The following MACO1 variants were observed in gnomAD, a reference collection of about 807,000 sequenced individuals.
MACO1 encodes the protein macoilin 1, also known as macoilin.
In MACO1, 14 loss-of-function variants were observed where a neutral mutation model predicts 78.7. That is an observed-to-expected ratio of 0.18 (90% CI 0.12 to 0.28). MACO1 has a LOEUF of 0.28. Ranked by LOEUF, MACO1 falls within the 10% of genes least tolerant of loss-of-function variation. MACO1 has a pLI of 1.00. For missense variants in MACO1, 501 were observed against 799.0 expected (o/e 0.63, Z 4.50); for synonymous variants, 288 against 291.6 (o/e 0.99, Z 0.12).
intron 10 of MACO1, among the ~76,000 whole-genome samples, chr1:25,497,957 A>G (rs553799934): frequency 3.9e-4 from 60 of 152,368 alleles, no homozygotes; most frequent in Non-Finnish European, 7.8e-4. Context: ...AAGAATCAGT[A>G]AACTGTGGCC....
At chr1:25,491,655 C>T in intron 10 of MACO1, 71 bp downstream of exon 10, 2 of 1,368,760 alleles carry the variant, frequency 1.5e-6, no homozygotes, top group South Asian at 2.5e-5. Flanking sequence ...CCAGACCTCT[C>T]CTGAGAGCTC....
Position 25,499,645 on chromosome 1 carries a change from GT to G in MACO1, c.*1182del, listed in dbSNP as rs1474010163. The G allele has an allele frequency of 8.7e-6, 1 of 114,798 alleles. No homozygotes were observed. The highest frequency in any genetic ancestry group is 3.0e-4 in the East Asian group (1 of 3,342). The allele number at this position is 114,798 out of a possible 1,614,324, so 7.1% of individuals were successfully genotyped here. On this transcript the variant is annotated 3_prime_UTR_variant, in exon 11 of 11. Transcript: ENST00000374343. ...GTGTATTATACATGGGTAGAAAAGT[GT>G]TTGCACAGGCAACTTTTGGAAGTGT...
intron 6 of MACO1, among the ~76,000 whole-genome samples, chr1:25,469,858 C>T (rs2043252348): frequency 6.6e-6 from 1 of 152,072 alleles, no homozygotes; most frequent in African/African-American, 2.4e-5. Context: ...GAACTCCTGA[C>T]TTTGTGATCC....
intron 1 of MACO1, among the ~76,000 whole-genome samples, chr1:25,441,315 A>C (rs1228445868): frequency 1.3e-5 from 2 of 151,860 alleles, no homozygotes; most frequent in Non-Finnish European, 2.9e-5. Flanking sequence ...TTCAGCCTCC[A>C]GAGTAGCTGG....
chr1:25,469,339 T>C (rs897881884), intron 6 of MACO1, among the ~76,000 whole-genome samples: 5 of 152,256 alleles, frequency 3.3e-5, no homozygotes, highest in African/African-American at 1.2e-4. Flanking sequence ...CATTCCTTTC[T>C]GGTTTAAGTT....
Position 25,498,395 on chromosome 1 carries a change from T to C in MACO1, c.1924T>C (p.Ser642Pro), listed in dbSNP as rs1440570452. Residue 642 changes from serine (S) to proline (P), a missense_variant, in exon 11 of 11, where the codon TCC (serine) becomes CCC (proline). By Grantham distance (74) the Ser-to-Pro change is moderately conservative. This residue lies in a region of MACO1 where 66 missense variants were observed against 101.6 expected (regional missense o/e 0.65). Transcript: ENST00000374343. ...PLSPVSPHYSSKFVETSPSGL... is the reference protein window; with the variant it reads ...PLSPVSPHYSPKFVETSPSGL... Reference sequence around the variant, plus strand: ...GAGCCCTGTTTCCCCCCACTACTCTTCCAAATTTGTGGAGACCAGCCCCTC... The same window carrying C: ...GAGCCCTGTTTCCCCCCACTACTCTCCCAAATTTGTGGAGACCAGCCCCTC... The C allele has an allele frequency of 6.2e-7, 1 of 1,613,842 alleles. No individual in the cohort carries two copies. The highest frequency in any genetic ancestry group is 8.5e-7 in the Non-Finnish European group (1 of 1,179,988).
At chr1:25,459,561 G>A (rs918142290) in intron 6 of MACO1, among the ~76,000 whole-genome samples, 8 of 147,544 alleles carry the variant, frequency 5.4e-5, no homozygotes, top group Non-Finnish European at 8.9e-5. Context: ...TGCAACCTCC[G>A]CCTCCTGGCT....
At chr1:25,472,021 G>C (rs2043275862) in intron 6 of MACO1, among the ~76,000 whole-genome samples, 1 of 152,086 alleles carries the variant, frequency 6.6e-6, no homozygotes, top group South Asian at 2.1e-4. Flanking sequence ...TTGTGCTTCA[G>C]GGCCAAGGAA....
intron 1 of MACO1, among the ~76,000 whole-genome samples, chr1:25,444,273 A>C (rs2042996592): frequency 6.6e-6 from 1 of 151,912 alleles, no homozygotes; most frequent in Admixed American, 6.6e-5. Flanking sequence ...TAAATAAATA[A>C]ATAAATAAAG....
At chr1:25,434,576 T>C (rs1167647307) in intron 1 of MACO1, among the ~76,000 whole-genome samples, 1 of 152,226 alleles carries the variant, frequency 6.6e-6, no homozygotes, top group Non-Finnish European at 1.5e-5. Context: ...TCTGTTGTGC[T>C]AAATTTTAGC....
At position 25,430,940 on chromosome 1, in the gene MACO1, C is replaced by T. The variant is rs868476610; in HGVS notation, c.-159C>T. ...AAGGCGGAGGAGGCTCCGAGCCCCCCCTCCCCGTGCTACCCCCTCCCCCCG... is the reference window on the plus strand; with the variant it reads ...AAGGCGGAGGAGGCTCCGAGCCCCCTCTCCCCGTGCTACCCCCTCCCCCCG... On this transcript the variant is annotated 5_prime_UTR_variant, in exon 1 of 11. Transcript: ENST00000374343. 1.3e-5 allele frequency: 6 copies of T among 471,944 alleles called. No homozygotes were observed. In the Admixed American group the frequency reaches 1.3e-4, roughly 10 times the overall value. 29.2% of individuals were successfully genotyped at this position (471,944 alleles called of 1,614,324 possible).
In MACO1 at chr1:25,454,453, T is replaced by TGC. The variant is rs1205917816; in HGVS notation, c.473+72_473+73insCG. 4 of 207,376 alleles carry TGC rather than the reference T, an allele frequency of 1.9e-5. No individual in the cohort carries two copies. In the Admixed American group the frequency reaches 4.4e-4, roughly 23 times the overall value. 12.8% of individuals were successfully genotyped at this position (207,376 alleles called of 1,614,324 possible). On this transcript the variant is annotated intron_variant, in intron 4 of 10. Coordinates refer to ENST00000374343, the MANE Select transcript of MACO1 (RefSeq NM_018202.6). ...ATGTATATATATGTGTGTGTGTGTG[T>TGC]GTGTGTGTGTGTGTGTGTATATATA...
At chr1:25,459,918 T>G (rs2043156350) in intron 6 of MACO1, among the ~76,000 whole-genome samples, 1 of 152,200 alleles carries the variant, frequency 6.6e-6, no homozygotes, top group Non-Finnish European at 1.5e-5. Context: ...AAACTGGAGC[T>G]TTTTTGTGTG....
intron 10 of MACO1, among the ~76,000 whole-genome samples, chr1:25,495,878 C>T (rs2043531589): frequency 6.6e-6 from 1 of 152,180 alleles, no homozygotes. Flanking sequence ...AGGAGAATTG[C>T]TTGAACCCCG....
Position 25,456,812 on chromosome 1 carries a change from A to G in MACO1, c.633A>G (p.Gln211=), listed in dbSNP as rs202095871. The G allele has an allele frequency of 6.2e-7, 1 of 1,610,380 alleles. No homozygotes were observed. The highest frequency in any genetic ancestry group is 1.1e-5 in the South Asian group (1 of 90,626). ...LPPEQQMLQK[Q]EKEAEEAAKG... ...CAGAGCAACAGATGCTACAGAAGCA[A>G]GAAAAAGAGGCCGAGGAAGGTAGGT... The change falls in exon 5 of 11, where the codon CAA becomes CAG. Residue 211 remains glutamine (Q), a synonymous_variant. Coordinates refer to ENST00000374343, the MANE Select transcript of MACO1 (RefSeq NM_018202.6).
intron 1 of MACO1, among the ~76,000 whole-genome samples, chr1:25,445,406 A>G (rs112975140): frequency 3.3e-5 from 5 of 152,262 alleles, no homozygotes; most frequent in African/African-American, 1.2e-4. Context: ...TCTAAGGATA[A>G]ATATTAGAAA....
At chr1:25,483,302 C>T (rs1349788875) in intron 6 of MACO1, among the ~76,000 whole-genome samples, 3 of 152,310 alleles carry the variant, frequency 2.0e-5, no homozygotes, top group East Asian at 3.9e-4. Flanking sequence ...CCGCCTGCCT[C>T]GGGCTCCCAA....
intron 4 of MACO1, among the ~76,000 whole-genome samples, chr1:25,456,138 G>C (rs1399548805): frequency 6.6e-6 from 1 of 151,658 alleles, no homozygotes; most frequent in Non-Finnish European, 1.5e-5. Context: ...CAGGCCTGTA[G>C]TCCCAGCTAC....
rs149775144 is a variant in MACO1, at chr1:25,491,544, C to A, written c.1752C>A (p.Ser584=). 2.5e-6 allele frequency: 4 copies of A among 1,614,206 alleles called. No individual in the cohort carries two copies. Among genetic ancestry groups the A allele is most frequent in the African/African-American group, 1.3e-5 (1 of 75,058 alleles). The change falls in exon 10 of 11, where the codon TCC becomes TCA. Residue 584 remains serine, a synonymous_variant. Coordinates refer to ENST00000374343, the MANE Select transcript of MACO1 (RefSeq NM_018202.6). ...AETRIKLDLF[S]ALGDAKRQLE... The stretch of plus-strand genomic sequence containing the variant: ...CGAGAATCAAGCTGGACCTGTTCTC[C>A]GCACTGGGCGATGCAAAGCGGCAGC...
Sources: gnomAD v4.1 joint callset for allele counts (sites outside exome capture counted in the v4.1 genomes callset) on GRCh38, gnomAD v4.1.1 for gene constraint, gnomAD v4.1.1 regional missense constraint, MANE v1.5 for transcripts, NCBI Gene and HGNC (gene_info 2026-07-23, HGNC 2026-07-21) for gene names.